The following EFCAB14 variants were observed in gnomAD, a reference collection of about 807,000 sequenced individuals.
EFCAB14 encodes the protein EF-hand calcium-binding domain-containing protein 14.
In EFCAB14, 43 loss-of-function variants were observed where a neutral mutation model predicts 56.5. That is an observed-to-expected ratio of 0.76 (90% CI 0.60 to 0.98). The LOEUF (loss-of-function observed/expected upper bound fraction) is 0.98. Ranked by LOEUF, EFCAB14 falls within the 50% of genes least tolerant of loss-of-function variation. The probability of loss-of-function intolerance (pLI) is 0.00; values close to 1 mark genes in which losing one functional copy is unlikely to be tolerated. For synonymous variants in EFCAB14, 235 were observed against 212.9 expected, an observed-to-expected ratio of 1.10 and a Z score of -0.90; for missense variants, 538 against 580.3, an observed-to-expected ratio of 0.93 and a Z score of 0.75.
rs935453165 is a variant in EFCAB14 at position 46,678,563 on chromosome 1, G to A, written c.1386C>T (p.Ser462=). 2.4e-5 allele frequency: 39 copies of A among 1,614,020 alleles called. No homozygotes were observed. The highest frequency in any genetic ancestry group is 3.1e-5 in the Non-Finnish European group (37 of 1,180,026). ...GKLTYQEIWT[S]LGSAMPEPES... ...CTGGTTCTGGCATAGCAGAACCTAG[G>A]GAGGTCCAGATTTCCTGGTAGGTCA... is the stretch of plus-strand genomic sequence containing the variant. Residue 462 remains serine, a synonymous_variant, in exon 11 of 11, where the codon TCC becomes TCT. Transcript: ENST00000371933.
intron 8 of EFCAB14, chr1:46,686,525 T>G: frequency 2.1e-6 from 1 of 471,892 alleles, no homozygotes; most frequent in Admixed American, 3.7e-5. Flanking sequence ...GACAGGACTT[T>G]GAGCTCCACC....
intron 3 of EFCAB14, among the ~76,000 whole-genome samples, chr1:46,707,488 G>A (rs1677250055): frequency 6.6e-6 from 1 of 152,140 alleles, no homozygotes; most frequent in South Asian, 2.1e-4. Flanking sequence ...GCTATTCTTA[G>A]AATGACTACT....
chr1:46,689,783 C>T, intron 5 of EFCAB14, 92 bp from the exon 6 acceptor site: 1 of 1,064,944 alleles, frequency 9.4e-7, no homozygotes, highest in South Asian at 1.3e-5. Context: ...CTAGCCTCCC[C>T]CAGAATGCAT....
intron 2 of EFCAB14, among the ~76,000 whole-genome samples, chr1:46,712,805 C>T (rs1472560342): frequency 2.6e-5 from 4 of 151,798 alleles, no homozygotes; most frequent in Admixed American, 6.6e-5. Context: ...GTCAGGAGTT[C>T]GAGACCAGCC....
At chr1:46,684,373 G>A (rs951812596) in intron 9 of EFCAB14, 118 bp downstream of exon 9, 24 of 764,538 alleles carry the variant, frequency 3.1e-5, no homozygotes, top group East Asian at 5.0e-5. Context: ...ATCTCGGTGC[G>A]TTCAGGCATC....
At chr1:46,702,666 T>C (rs1185391290) in intron 3 of EFCAB14, among the ~76,000 whole-genome samples, 2 of 151,974 alleles carry the variant, frequency 1.3e-5, no homozygotes, top group Non-Finnish European at 2.9e-5. Flanking sequence ...ATGGCAGTTA[T>C]CGTCAATACC....
intron 10 of EFCAB14, 122 bp from the exon 11 acceptor site, chr1:46,678,758 AT>A (rs1435770062): frequency 1.1e-6 from 1 of 880,958 alleles, no homozygotes; most frequent in African/African-American, 1.7e-5. Context: ...TTGTTTCCAA[AT>A]GGTAAAGTTT....
chr1:46,687,640 A>C (rs1216186403), intron 7 of EFCAB14, among the ~76,000 whole-genome samples: 4 of 152,142 alleles, frequency 2.6e-5, no homozygotes, highest in African/African-American at 9.7e-5. Flanking sequence ...TGCTATATGA[A>C]ATCTTTAAGG....
At chr1:46,692,594 A>G (rs61782563) in intron 4 of EFCAB14, among the ~76,000 whole-genome samples, 38,061 of 152,088 alleles carry the variant, frequency 0.25, 5,032 homozygotes, top group East Asian at 0.35. Flanking sequence ...GCAGGGAATG[A>G]GAGTTCCTGT....
intron 3 of EFCAB14, among the ~76,000 whole-genome samples, chr1:46,706,850 A>G (rs1225022827): frequency 6.6e-6 from 1 of 152,240 alleles, no homozygotes; most frequent in African/African-American, 2.4e-5. Context: ...CATACACATT[A>G]AGAGTGAGCT....
intron 2 of EFCAB14, among the ~76,000 whole-genome samples, chr1:46,713,311 T>C (rs767287881): frequency 6.6e-6 from 1 of 152,168 alleles, no homozygotes; most frequent in Non-Finnish European, 1.5e-5. Context: ...ATTCCAAATC[T>C]GCTTCATTCA....
intron 1 of EFCAB14, 139 bp from the exon 2 acceptor site, chr1:46,716,582 G>T: frequency 1.1e-6 from 1 of 907,414 alleles, no homozygotes; most frequent in Non-Finnish European, 1.7e-6. Context: ...GCAGGGTAAA[G>T]CACTTAAATG....
At chr1:46,715,133 T>G (rs1167486419) in intron 2 of EFCAB14, among the ~76,000 whole-genome samples, 2 of 152,224 alleles carry the variant, frequency 1.3e-5, no homozygotes, top group East Asian at 3.8e-4. Flanking sequence ...CAGTCCTTGC[T>G]CTAAGCTTGA....
chr1:46,694,382 G>GA (rs749829360), intron 4 of EFCAB14, among the ~76,000 whole-genome samples: 5 of 152,086 alleles, frequency 3.3e-5, no homozygotes, highest in African/African-American at 7.2e-5. Flanking sequence ...AAATTTACAA[G>GA]AAAAAATCAA....
At position 46,677,327 on chromosome 1, in the gene EFCAB14, A is replaced by G. The variant is rs1490757063; in HGVS notation, c.*1134T>C. On this transcript the variant is annotated 3_prime_UTR_variant, in exon 11 of 11. Transcript: ENST00000371933. ...CTTCTGAGCTGGTAATGGTAAGGAA[A>G]CTGAATATTATTTCACATGTTTCAT... 6.6e-6 allele frequency: 1 copy of G among 152,234 alleles called. No individual in the cohort carries two copies. Among genetic ancestry groups the G allele is most frequent in the African/African-American group, 2.4e-5 (1 of 41,462 alleles). 9.4% of individuals were successfully genotyped at this position (152,234 alleles called of 1,614,324 possible).
chr1:46,714,136 A>T (rs1357849299), intron 2 of EFCAB14, among the ~76,000 whole-genome samples: 1 of 152,134 alleles, frequency 6.6e-6, no homozygotes, highest in African/African-American at 2.4e-5. Context: ...AGCTGTTCTT[A>T]GGCTGGGTTC....
At chr1:46,711,840 A>G (rs1457077682) in intron 2 of EFCAB14, among the ~76,000 whole-genome samples, 4 of 152,144 alleles carry the variant, frequency 2.6e-5, no homozygotes, top group Non-Finnish European at 5.9e-5. Context: ...TTATGTATTA[A>G]TTATTCAACA....
intron 3 of EFCAB14, among the ~76,000 whole-genome samples, chr1:46,702,272 A>T (rs1194672998): frequency 6.6e-6 from 1 of 152,214 alleles, no homozygotes. Context: ...GTTGAAGTTA[A>T]GTGTCCTTTA....
intron 4 of EFCAB14, among the ~76,000 whole-genome samples, chr1:46,696,107 CTTT>C (rs576354908): frequency 5.0e-5 from 7 of 139,350 alleles, no homozygotes; most frequent in Non-Finnish European, 6.3e-5. Flanking sequence ...CCCAGGTCAT[CTTT>C]TTTTTTTTTT....
Sources: allele counts gnomAD v4.1 joint callset (sites outside exome capture counted in the v4.1 genomes callset), GRCh38; gene constraint gnomAD v4.1.1; transcripts MANE v1.5; gene names NCBI Gene and HGNC (gene_info 2026-07-23, HGNC 2026-07-21).